Variants in DNAH5 observed in about 807,000 individuals in gnomAD.
The protein encoded by DNAH5 is axonemal beta dynein heavy chain 5.
DNAH5 carries 372 observed loss-of-function variants against 518.2 expected under a neutral mutation model. The ratio of observed to expected loss-of-function variants is 0.72; its 90% confidence interval spans 0.66 to 0.78. The LOEUF is 0.78. DNAH5 is among the 30% of genes least tolerant of loss of function. DNAH5 has a pLI of 0.00. For synonymous variants in DNAH5, 2,039 were observed against 2,025.9 expected (o/e 1.01, Z -0.17); for missense variants, 5,523 against 5,687.0 (o/e 0.97, Z 0.93).
chr5:13,769,048 A>G lies in DNAH5; in HGVS notation c.9809T>C (p.Val3270Ala), dbSNP rs112084376. 6.2e-7 allele frequency: 1 copy of G among 1,614,206 alleles called. No homozygotes were observed. Among genetic ancestry groups the G allele is most frequent in the Non-Finnish European group, 8.5e-7 (1 of 1,180,032 alleles). The change falls in exon 58 of 79, where the codon GTG (valine) becomes GCG (alanine). Residue 3270 changes from valine to alanine, a missense_variant. Val to Ala is a moderately conservative substitution (Grantham distance 64). Transcript: ENST00000265104. ...GGCTTTGTCTTTAGAGATGCTGTCC[A>G]CAATGGCCTGGGCCCTGTCCTTCAC... is the stretch of plus-strand genomic sequence containing the variant. ...QKVKDRAQAI[V>A]DSISKDKAIA...
chr5:13,716,480 G>A lies in DNAH5; in HGVS notation c.12909+7C>T, dbSNP rs1476942856. The stretch of plus-strand genomic sequence containing the variant: ...GCTCTATGCATAAAATTCTGAAGTT[G>A]ACAAACCTGGATATACTGAAGATAG... On this transcript the variant is annotated splice_region_variant and intron_variant, in intron 74 of 78. Transcript: ENST00000265104. 1.2e-6 allele frequency: 2 copies of A among 1,610,572 alleles called. No individual in the cohort carries two copies. Among genetic ancestry groups the A allele is most frequent in the East Asian group, 2.2e-5 (1 of 44,824 alleles).
chr5:13,996,486 C>A (rs957990009), intron 1 of DNAH5, among the ~76,000 whole-genome samples: 2 of 152,108 alleles, frequency 1.3e-5, no homozygotes, highest in Admixed American at 1.3e-4. Flanking sequence ...TTCATGTGAA[C>A]CTATGAAATC....
chr5:13,733,998 T>C (rs1333202619), intron 68 of DNAH5, among the ~76,000 whole-genome samples: 2 of 152,088 alleles, frequency 1.3e-5, no homozygotes, highest in Admixed American at 6.6e-5. Context: ...GGGATGAATA[T>C]TGTGTCTCCC....
intron 15 of DNAH5, chr5:13,899,650 T>C (rs574370556): frequency 6.5e-6 from 1 of 154,528 alleles, no homozygotes; most frequent in Non-Finnish European, 1.4e-5. Context: ...CTGCATGGTA[T>C]TGTGCAAGTT....
chr5:13,894,513 A>G (rs1773662804), intron 16 of DNAH5, 137 bp downstream of exon 16: 1 of 913,760 alleles, frequency 1.1e-6, no homozygotes, highest in African/African-American at 1.7e-5. Flanking sequence ...GTTTTGGAAC[A>G]CTTCCTTATG....
chr5:13,846,306 C>T lies in DNAH5; in HGVS notation c.5115-1313G>A, dbSNP rs568732844. 2.6e-5 allele frequency among the ~76,000 whole-genome samples: 4 copies of T among 152,238 alleles called. No individual in the cohort carries two copies. The East Asian group carries it at 5.8e-4, about 22-fold the overall frequency. On this transcript the variant is annotated intron_variant, in intron 31 of 78. Coordinates refer to ENST00000265104, the MANE Select transcript of DNAH5 (RefSeq NM_001369.3). ...CCTGCCACCTCCACCCTCAAGTAGACCCCAGTGTTTGTTGTTCACTTCTTT... is the reference window on the plus strand; with the variant it reads ...CCTGCCACCTCCACCCTCAAGTAGATCCCAGTGTTTGTTGTTCACTTCTTT...
chr5:13,776,785 T>A (rs1754155275), intron 54 of DNAH5, 79 bp from the exon 55 acceptor site: 2 of 1,502,204 alleles, frequency 1.3e-6, no homozygotes, highest in African/African-American at 2.8e-5. Flanking sequence ...ATACACAGAA[T>A]GTCTTTTCTC....
intron 76 of DNAH5, among the ~76,000 whole-genome samples, chr5:13,705,965 A>C (rs1352695150): frequency 2.0e-5 from 3 of 152,200 alleles, no homozygotes; most frequent in African/African-American, 7.2e-5. Context: ...GCTGGCCAAC[A>C]GTTCTATTTT....
At chr5:13,927,524 A>G (rs1358253812) in intron 3 of DNAH5, among the ~76,000 whole-genome samples, 1 of 152,058 alleles carries the variant, frequency 6.6e-6, no homozygotes, top group East Asian at 1.9e-4. Context: ...TAATAATAAT[A>G]AATAACAACA....
At chr5:13,757,511 A>G (rs1751171068) in intron 61 of DNAH5, among the ~76,000 whole-genome samples, 1 of 152,164 alleles carries the variant, frequency 6.6e-6, no homozygotes, top group Non-Finnish European at 1.5e-5. Flanking sequence ...TTTTTTTGAA[A>G]AGTGTCTGTT....
chr5:13,696,623 T>C (rs1483144696), intron 78 of DNAH5, among the ~76,000 whole-genome samples: 3 of 152,202 alleles, frequency 2.0e-5, no homozygotes, highest in African/African-American at 4.8e-5. Flanking sequence ...TGCTGCACTT[T>C]GGTCATTAAT....
At chr5:13,800,461 G>A (rs1053566041) in intron 47 of DNAH5, among the ~76,000 whole-genome samples, 1 of 152,058 alleles carries the variant, frequency 6.6e-6, no homozygotes, top group African/African-American at 2.4e-5. Flanking sequence ...ACTACCTATT[G>A]CCCCATCCAA....
At chr5:13,728,665 G>T (rs1746094827) in intron 69 of DNAH5, among the ~76,000 whole-genome samples, 2 of 152,128 alleles carry the variant, frequency 1.3e-5, no homozygotes, top group South Asian at 4.1e-4. Flanking sequence ...AACATAAAAG[G>T]ATAGCAGAAC....
At chr5:13,730,600 A>G (rs1373168266) in intron 68 of DNAH5, among the ~76,000 whole-genome samples, 1 of 151,620 alleles carries the variant, frequency 6.6e-6, no homozygotes, top group Non-Finnish European at 1.5e-5. Context: ...ACGCCCATCT[A>G]ATTTTTCATA....
At chr5:13,798,895 A>G (rs1413163939) in intron 47 of DNAH5, among the ~76,000 whole-genome samples, 2 of 151,592 alleles carry the variant, frequency 1.3e-5, no homozygotes, top group African/African-American at 4.8e-5. Context: ...GCCTCCCAGT[A>G]GTTGGGATTA....
intron 11 of DNAH5, among the ~76,000 whole-genome samples, chr5:13,913,377 T>C (rs1294906693): frequency 6.6e-6 from 1 of 152,090 alleles, no homozygotes; most frequent in Non-Finnish European, 1.5e-5. Flanking sequence ...TGCCACAAAG[T>C]ACCTGGTGTC....
At chr5:13,762,002 G>A (rs1751851145) in intron 60 of DNAH5, among the ~76,000 whole-genome samples, 1 of 152,186 alleles carries the variant, frequency 6.6e-6, no homozygotes, top group Non-Finnish European at 1.5e-5. Flanking sequence ...ATGATTAAGA[G>A]AGATGAGACT....
intron 18 of DNAH5, among the ~76,000 whole-genome samples, chr5:13,885,718 G>A (rs569495731): frequency 1.3e-5 from 2 of 152,126 alleles, no homozygotes; most frequent in Non-Finnish European, 2.9e-5. Context: ...ACACATAAAT[G>A]CAAAGAAAGC....
chr5:13,840,747 G>A (rs907948993), intron 34 of DNAH5, among the ~76,000 whole-genome samples, 159 bp downstream of exon 34: 11 of 152,176 alleles, frequency 7.2e-5, no homozygotes, highest in Admixed American at 4.6e-4. Context: ...GTTCAGTTAA[G>A]ACTGAAAAGA....
Sources: gnomAD v4.1 joint callset for allele counts (sites outside exome capture counted in the v4.1 genomes callset) on GRCh38, gnomAD v4.1.1 for gene constraint, MANE v1.5 for transcripts, NCBI Gene and HGNC (gene_info 2026-07-23, HGNC 2026-07-21) for gene names.